Variants in PCM1 observed in about 807,000 individuals in gnomAD.
PCM1 encodes the protein pericentriolar material 1 protein.
Under a neutral mutation model 241.9 loss-of-function variants are expected in PCM1, and 157 were observed. The observed-to-expected ratio is 0.65, with a 90% CI of 0.57 to 0.74. The LOEUF is 0.74. PCM1 is among the 30% of genes least tolerant of loss of function. The pLI is 0.00. For synonymous variants in PCM1, 1,085 were observed against 784.9 expected (o/e 1.38, Z -6.39); for missense variants, 3,478 against 2,360.1 (o/e 1.47, Z -9.81).
intron 30 of PCM1, 129 bp from the exon 31 acceptor site, chr8:18,009,418 A>T (rs1244247609): frequency 3.1e-6 from 2 of 639,678 alleles, no homozygotes; most frequent in African/African-American, 3.7e-5. Flanking sequence ...ATTCTTTAGT[A>T]ATACTAACAA....
intron 26 of PCM1, among the ~76,000 whole-genome samples, chr8:17,988,945 C>T (rs1048780060): frequency 1.3e-5 from 2 of 152,040 alleles, no homozygotes; most frequent in South Asian, 2.1e-4. Flanking sequence ...AGCAATTTCT[C>T]TTCTAGGTAT....
chr8:17,949,910 T>C (rs2065354164), intron 7 of PCM1, among the ~76,000 whole-genome samples: 1 of 152,212 alleles, frequency 6.6e-6, no homozygotes, highest in Middle Eastern at 3.2e-3. Flanking sequence ...TTTATGAATA[T>C]GGGGGCATTT....
Position 17,956,720 on chromosome 8 carries a change from C to T in PCM1, c.1589C>T (p.Thr530Ile). ...AATGAAAACAGGAAAGATGAAGAAA[C>T]TGAAGAGTCAGAATATGATTCTGAG... ...AVNENRKDEE[T>I]EESEYDSEHE... The change falls in exon 11 of 39, where the codon ACT becomes ATT. Residue 530 changes from threonine to isoleucine, a missense_variant. Physicochemically the swap from Thr to Ile is moderately conservative, Grantham distance 89. Coordinates refer to ENST00000325083, the MANE Select transcript of PCM1 (RefSeq NM_006197.4). 1 of 1,608,216 alleles carries T rather than the reference C, an allele frequency of 6.2e-7. No individual in the cohort carries two copies. The highest frequency in any genetic ancestry group is 1.1e-5 in the South Asian group (1 of 90,130).
chr8:17,963,298 G>C lies in PCM1; in HGVS notation c.2654+7G>C, dbSNP rs1177002080. The C allele has an allele frequency of 1.9e-6, 3 of 1,569,312 alleles. No individual in the cohort carries two copies. Among genetic ancestry groups the C allele is most frequent in the Non-Finnish European group, 1.7e-6 (2 of 1,165,448 alleles). On this transcript the variant is annotated splice_region_variant and intron_variant, in intron 17 of 38. Coordinates refer to ENST00000325083, the MANE Select transcript of PCM1 (RefSeq NM_006197.4). ...AGCAAAGTAGAACAGAAAAGTAAGA[G>C]AGCTGCATAAATCACTTTTCTAAAA...
intron 29 of PCM1, among the ~76,000 whole-genome samples, chr8:18,003,712 C>T (rs1232739372): frequency 6.6e-6 from 1 of 152,072 alleles, no homozygotes; most frequent in South Asian, 2.1e-4. Flanking sequence ...ATAAATACAT[C>T]AGTTTTACCA....
At chr8:18,020,874 C>T (rs144297598) in intron 36 of PCM1, among the ~76,000 whole-genome samples, 81 of 152,076 alleles carry the variant, frequency 5.3e-4, no homozygotes, top group African/African-American at 1.8e-3. Context: ...GTAGTGGAAC[C>T]CCCATCAGTA....
chr8:17,963,903 A>C (rs541339224), intron 17 of PCM1, among the ~76,000 whole-genome samples: 9 of 152,106 alleles, frequency 5.9e-5, no homozygotes, highest in African/African-American at 2.2e-4. Flanking sequence ...ACCAAGCCCT[A>C]CTCTCTTCTC....
rs537752025 is a variant in PCM1, at chr8:18,010,737, C to A, written c.5220+69C>A. ...GTGGCTCACCCCCGTAATCGCAGCC[C>A]TTTGGGAGGCCAAGGCGGGTGGATC... On this transcript the variant is annotated intron_variant, in intron 32 of 38. Coordinates refer to ENST00000325083, the MANE Select transcript of PCM1 (RefSeq NM_006197.4). 17 of 1,042,234 alleles carry A rather than the reference C, an allele frequency of 1.6e-5. No homozygotes were observed. The South Asian group carries it at 2.5e-4, about 15-fold the overall frequency. The allele number at this position is 1,042,234 out of a possible 1,614,324, so 64.6% of individuals were successfully genotyped here.
intron 1 of PCM1, among the ~76,000 whole-genome samples, chr8:17,923,927 G>C (rs1252980572): frequency 6.6e-6 from 1 of 152,168 alleles, no homozygotes; most frequent in East Asian, 1.9e-4. Flanking sequence ...GCCCCGCCAG[G>C]GAGGCTGGGC....
In PCM1 at chr8:17,966,086, A is replaced by G. The variant is rs1482294498; in HGVS notation, c.2943A>G (p.Gln981=). 1.2e-6 allele frequency: 2 copies of G among 1,613,850 alleles called. No individual in the cohort carries two copies. The highest frequency in any genetic ancestry group is 3.3e-5 in the Admixed American group (2 of 60,000). Residue 981 remains glutamine (Q), a synonymous_variant, in exon 19 of 39, where the codon CAA becomes CAG. Transcript: ENST00000325083. ...TRQQNISMQR[Q]ENLRWVSELS... is the part of the protein sequence containing the mutation. ...AACAGAATATCAGCATGCAACGGCAAGAAAACCTTCGTTGGGTGTCAGAGC... is the reference window on the plus strand; with the variant it reads ...AACAGAATATCAGCATGCAACGGCAGGAAAACCTTCGTTGGGTGTCAGAGC...
rs754594314 is a variant in PCM1 at position 17,955,452 on chromosome 8, T to A, written c.1289-18T>A. The A allele has an allele frequency of 2.6e-6, 4 of 1,536,514 alleles. No individual in the cohort carries two copies. In the Admixed American group the frequency reaches 9.0e-5, roughly 34 times the overall value. On this transcript the variant is annotated intron_variant, in intron 9 of 38. Transcript: ENST00000325083. ...ACTGGTGATTAAAAAAAATTTTTTGTTGTTGTGCCTTCTTCAGCCTCTCCA... is the reference window on the plus strand; with the variant it reads ...ACTGGTGATTAAAAAAAATTTTTTGATGTTGTGCCTTCTTCAGCCTCTCCA...
intron 6 of PCM1, among the ~76,000 whole-genome samples, chr8:17,944,511 A>C (rs183124507): frequency 1.3e-5 from 2 of 152,328 alleles, no homozygotes; most frequent in Admixed American, 1.3e-4. Context: ...CTACATATTT[A>C]CAACTCAGGG....
rs779924089 is a variant in PCM1, at chr8:17,963,235, A to G, written c.2598A>G (p.Ser866=). ...AAACTGCATCTCCAGTGGCTGTGTC[A>G]TTGAGAAGTGATGGATCTGAGAACC... is the stretch of plus-strand genomic sequence containing the variant. ...LAETASPVAV[S]LRSDGSENLC... The change falls in exon 17 of 39, where the codon TCA becomes TCG. Residue 866 remains serine (S), a synonymous_variant. Coordinates refer to ENST00000325083, the MANE Select transcript of PCM1 (RefSeq NM_006197.4). The G allele has an allele frequency of 1.9e-6, 3 of 1,613,440 alleles. No individual in the cohort carries two copies. Among genetic ancestry groups the G allele is most frequent in the African/African-American group, 1.3e-5 (1 of 74,898 alleles).
intron 8 of PCM1, among the ~76,000 whole-genome samples, chr8:17,951,455 GA>G (rs1554647116): frequency 6.6e-6 from 1 of 152,212 alleles, no homozygotes; most frequent in Non-Finnish European, 1.5e-5. Context: ...GAAGGAGGTA[GA>G]TGGAAGAATA....
intron 29 of PCM1, among the ~76,000 whole-genome samples, chr8:18,004,823 C>A (rs766564643): frequency 2.0e-5 from 3 of 152,156 alleles, no homozygotes; most frequent in Non-Finnish European, 4.4e-5. Flanking sequence ...CATATTCTTA[C>A]CTTTTGCTTA....
At chr8:18,005,854 T>C (rs1306397534) in intron 29 of PCM1, among the ~76,000 whole-genome samples, 1 of 152,166 alleles carries the variant, frequency 6.6e-6, no homozygotes, top group Non-Finnish European at 1.5e-5. Flanking sequence ...TGAGAAACCC[T>C]GAGTTAGAAA....
chr8:17,924,150 T>C (rs188623502), intron 1 of PCM1, among the ~76,000 whole-genome samples: 1 of 152,286 alleles, frequency 6.6e-6, no homozygotes, highest in Non-Finnish European at 1.5e-5. Flanking sequence ...TGGTGTTCTC[T>C]GGTTACCGGA....
chr8:17,941,059 A>G (rs1034163403), intron 6 of PCM1, among the ~76,000 whole-genome samples: 1 of 152,150 alleles, frequency 6.6e-6, no homozygotes, highest in Non-Finnish European at 1.5e-5. Flanking sequence ...TAATTTGAAG[A>G]GGTGATTTGG....
chr8:17,979,332 G>A (rs1367180815), intron 23 of PCM1, among the ~76,000 whole-genome samples: 1 of 152,064 alleles, frequency 6.6e-6, no homozygotes, highest in African/African-American at 2.4e-5. Context: ...AGTAAATATT[G>A]GAAAAGGAAG....
Sources: gnomAD v4.1 joint callset for allele counts (sites outside exome capture counted in the v4.1 genomes callset) on GRCh38, gnomAD v4.1.1 for gene constraint, MANE v1.5 for transcripts, NCBI Gene and HGNC (gene_info 2026-07-23, HGNC 2026-07-21) for gene names.